The following KLHDC4 variants were observed in gnomAD, a reference collection of about 807,000 sequenced individuals.
KLHDC4 encodes kelch domain containing 4.
In KLHDC4, 90 loss-of-function variants were observed where a neutral mutation model predicts 62.4. That is an observed-to-expected ratio of 1.44 (90% CI 1.22 to 1.72). The LOEUF is 1.72. Among genes scored for constraint, KLHDC4 ranks in the 40% most tolerant of loss-of-function variants. The pLI is 0.00. For synonymous variants in KLHDC4, 386 were observed against 284.4 expected (o/e 1.36, Z -3.59); for missense variants, 1,025 against 699.7 (o/e 1.47, Z -5.25).
At chr16:87,765,273 T>C (rs1051289731) in intron 1 of KLHDC4, 1 of 456,054 alleles carries the variant, frequency 2.2e-6, no homozygotes, top group Admixed American at 2.3e-5. Context: ...ACCCCGTGGC[T>C]CCAGTGCCTT....
At chr16:87,754,314 C>G (rs143877257) in intron 4 of KLHDC4, among the ~76,000 whole-genome samples, 12 of 152,260 alleles carry the variant, frequency 7.9e-5, no homozygotes, top group African/African-American at 2.9e-4. Context: ...CCATTGCACT[C>G]CAGCCTGGGT....
exon 1 of KLHDC4, chr16:87,699,507 A>G (rs1441167703): frequency 6.6e-6 from 1 of 152,208 alleles, no homozygotes; most frequent in African/African-American, 2.4e-5. Context: ...CAGCCTGACC[A>G]ACATAGTGAA....
intron 1 of KLHDC4, among the ~76,000 whole-genome samples, chr16:87,762,416 A>C (rs970959211): frequency 6.6e-6 from 1 of 152,154 alleles, no homozygotes; most frequent in Non-Finnish European, 1.5e-5. Context: ...AGTGTCTGAC[A>C]AGAACTTCCA....
intron 5 of KLHDC4, among the ~76,000 whole-genome samples, chr16:87,736,552 A>C (rs2041349531): frequency 6.6e-6 from 1 of 152,090 alleles, no homozygotes; most frequent in Non-Finnish European, 1.5e-5. Flanking sequence ...TTTCAAACAC[A>C]TGCCTTGGAA....
chr16:87,723,026 C>A (rs35444601), intron 7 of KLHDC4, among the ~76,000 whole-genome samples: 56 of 152,358 alleles, frequency 3.7e-4, no homozygotes, highest in African/African-American at 1.3e-3. Flanking sequence ...CACAGCACAG[C>A]TGGGTCATGC....
intron 4 of KLHDC4, among the ~76,000 whole-genome samples, chr16:87,752,831 G>T (rs548284206): frequency 3.5e-4 from 53 of 152,312 alleles, no homozygotes; most frequent in African/African-American, 1.2e-3. Context: ...GAGACCCACA[G>T]ATAAAACTTC....
chr16:87,735,819 G>A (rs1264619411), intron 5 of KLHDC4, among the ~76,000 whole-genome samples: 1 of 152,348 alleles, frequency 6.6e-6, no homozygotes, highest in African/African-American at 2.4e-5. Flanking sequence ...TCGAGGCTCA[G>A]CAGCTGCGTG....
At chr16:87,717,093 T>C (rs1401862465) in intron 7 of KLHDC4, among the ~76,000 whole-genome samples, 3 of 152,110 alleles carry the variant, frequency 2.0e-5, no homozygotes, top group Non-Finnish European at 2.9e-5. Context: ...CAGCCAGGCA[T>C]GGTGGCATGC....
intron 4 of KLHDC4, among the ~76,000 whole-genome samples, chr16:87,752,890 T>C (rs1217911429): frequency 6.6e-6 from 1 of 152,066 alleles, no homozygotes; most frequent in Non-Finnish European, 1.5e-5. Context: ...CTCCGCACCA[T>C]CAACAAGGAA....
At chr16:87,720,680 C>T (rs1567695001) in intron 7 of KLHDC4, among the ~76,000 whole-genome samples, 2 of 152,244 alleles carry the variant, frequency 1.3e-5, no homozygotes, top group African/African-American at 2.4e-5. Context: ...AAGCCGCGCG[C>T]CCCCTCCAGG....
intron 6 of KLHDC4, among the ~76,000 whole-genome samples, chr16:87,727,635 G>A (rs2039606436): frequency 6.6e-6 from 1 of 152,232 alleles, no homozygotes; most frequent in Non-Finnish European, 1.5e-5. Context: ...TTTGCTGGAG[G>A]CATGGGGAGA....
intron 2 of KLHDC4, among the ~76,000 whole-genome samples, chr16:87,761,162 C>T (rs1355263628): frequency 6.6e-6 from 1 of 152,206 alleles, no homozygotes; most frequent in Non-Finnish European, 1.5e-5. Flanking sequence ...AGGACACTGG[C>T]CTTTGGGAGT....
intron 10 of KLHDC4, 33 bp from the exon 11 acceptor site, chr16:87,708,499 A>G (rs1012574551): frequency 2.0e-6 from 3 of 1,525,598 alleles, no homozygotes; most frequent in Non-Finnish European, 2.7e-6. Flanking sequence ...CATACACGTC[A>G]GCGCAGCTGA....
chr16:87,738,659 TCTCATCCATCCACACACCAGCAC>T (rs1597219907), intron 5 of KLHDC4, among the ~76,000 whole-genome samples: 5 of 82,616 alleles, frequency 6.1e-5, no homozygotes, highest in South Asian at 5.1e-4. Flanking sequence ...CACACCAGCA[TCTCATCCATCCACACACCAGCAC>T]CTCATCCATC....
chr16:87,704,232 C>T (rs1213587925), downstream of KLHDC4, among the ~76,000 whole-genome samples: 3 of 152,128 alleles, frequency 2.0e-5, no homozygotes, highest in African/African-American at 7.2e-5. Flanking sequence ...TGGAAGGAGG[C>T]GCCTGTGGAG....
intron 5 of KLHDC4, among the ~76,000 whole-genome samples, chr16:87,734,954 TG>T (rs2041030172): frequency 3.8e-5 from 1 of 26,570 alleles, no homozygotes; most frequent in Non-Finnish European, 9.6e-5. Context: ...CTCCCACTCC[TG>T]ACGAATTGCC....
At position 87,731,046 on chromosome 16, in the gene KLHDC4, C is replaced by CTTTTTTT. The variant is rs774096264; in HGVS notation, c.507-409_507-403dup. 8.6e-4 allele frequency: 62 copies of CTTTTTTT among 72,070 alleles called. 4 individuals carry two copies. The highest frequency in any genetic ancestry group is 1.5e-3 in the East Asian group (3 of 1,952). 4.5% of individuals were successfully genotyped at this position (72,070 alleles called of 1,614,324 possible). On this transcript the variant is annotated intron_variant, in intron 5 of 11. Coordinates refer to ENST00000270583, the MANE Select transcript of KLHDC4 (RefSeq NM_017566.4). ...TTGTATCCAGAATACATACAGAATT[C>CTTTTTTT]TTTTTTTTTTTTTTTTTTTTTTTTT...
chr16:87,721,825 T>C (rs2038414471), intron 7 of KLHDC4, among the ~76,000 whole-genome samples: 1 of 152,184 alleles, frequency 6.6e-6, no homozygotes, highest in Non-Finnish European at 1.5e-5. Context: ...AGGCGCACAA[T>C]GACAACTGAG....
At chr16:87,702,336 G>A in exon 1 of KLHDC4, 1 of 454,732 alleles carries the variant, frequency 2.2e-6, no homozygotes, top group South Asian at 1.6e-5. Context: ...CAGGCTGAGA[G>A]AGGAAGATGG....
Sources: allele counts gnomAD v4.1 joint callset (sites outside exome capture counted in the v4.1 genomes callset), GRCh38; gene constraint gnomAD v4.1.1; transcripts MANE v1.5; gene names NCBI Gene and HGNC (gene_info 2026-07-23, HGNC 2026-07-21).